SHMT1: variants seen among roughly 807,000 people sequenced by gnomAD.
SHMT1 encodes the protein serine hydroxymethyltransferase 1, also known as serine hydroxymethyltransferase, cytosolic.
A neutral mutation model predicts 49.0 loss-of-function variants in SHMT1; 45 were observed. The ratio of observed to expected loss-of-function variants is 0.92; its 90% CI spans 0.72 to 1.18. SHMT1 has a LOEUF of 1.18. Among genes scored for constraint, SHMT1 ranks in the 50% most tolerant of loss-of-function variants. SHMT1 has a pLI of 0.00. For missense variants in SHMT1, 541 were observed against 612.4 expected (o/e 0.88, Z 1.23); for synonymous variants, 232 against 246.6 (o/e 0.94, Z 0.55).
intron 5 of SHMT1, chr17:18,341,407 G>A (rs1984493542): frequency 6.3e-6 from 1 of 159,198 alleles, no homozygotes; most frequent in Non-Finnish European, 1.4e-5. Context: ...TTGGGAGGCT[G>A]AGACGGGCAG....
At position 18,340,599 on chromosome 17, in the gene SHMT1, G is replaced by T; in HGVS notation, c.601+133C>A. 1.3e-6 allele frequency: 1 copy of T among 786,728 alleles called. No homozygotes were observed. 48.7% of individuals were successfully genotyped at this position (786,728 alleles called of 1,614,324 possible). A position where few individuals can be genotyped will look rare whatever the true frequency, so the allele number is the denominator to read the frequency against. ...ATCCTGAAAGAAACTAATATATGTA[G>T]ACCCCAGAAACTCAGTTATCCAGGG... is the stretch of plus-strand genomic sequence containing the variant. On this transcript the variant is annotated intron_variant, in intron 6 of 11. Coordinates refer to ENST00000316694, the MANE Select transcript of SHMT1 (RefSeq NM_004169.5). The surrounding 1 kb of genome is among the most constrained non-coding windows in gnomAD (Gnocchi z 4.5).
chr17:18,336,110 C>G lies in SHMT1; in HGVS notation c.815-435G>C, dbSNP rs181559633. On this transcript the variant is annotated intron_variant, in intron 7 of 11. Coordinates refer to ENST00000316694, the MANE Select transcript of SHMT1 (RefSeq NM_004169.5). ...TGGCCAACATGGTGAAACCCCGTCT[C>G]TACTAAAAATACAAAAATTAGCCGG... Among the ~76,000 whole-genome samples, 346 of 152,074 alleles carry G rather than the reference C, an allele frequency of 2.3e-3. 1 individual carries two copies. Among genetic ancestry groups the G allele is most frequent in the Non-Finnish European group, 3.5e-3 (241 of 67,972 alleles).
At chr17:18,359,243 G>GAA (rs112738219) in intron 1 of SHMT1, among the ~76,000 whole-genome samples, 1 of 131,598 alleles carries the variant, frequency 7.6e-6, no homozygotes. Context: ...GTCTCCAGGG[G>GAA]AAAAAAAAAA....
Position 18,340,405 on chromosome 17 carries a change from G to C in SHMT1, c.602-150C>G. ...CAAAAATGGAGAATGCCCTCAAAAA[G>C]CACCTCTGTGCTAAAGGCAACCACT... On this transcript the variant is annotated intron_variant, in intron 6 of 11. Coordinates refer to ENST00000316694, the MANE Select transcript of SHMT1 (RefSeq NM_004169.5). The surrounding 1 kb of genome is among the most constrained non-coding windows in gnomAD (Gnocchi z 4.5). 1.2e-6 allele frequency: 1 copy of C among 844,220 alleles called. No homozygotes were observed. The highest frequency in any genetic ancestry group is 2.0e-5 in the Admixed American group (1 of 49,690). 52.3% of individuals were successfully genotyped at this position (844,220 alleles called of 1,614,324 possible).
intron 7 of SHMT1, among the ~76,000 whole-genome samples, chr17:18,337,748 T>A (rs1983973443): frequency 6.6e-6 from 1 of 152,214 alleles, no homozygotes; most frequent in Non-Finnish European, 1.5e-5. Context: ...GTTTTCGTAT[T>A]TTTTTGGTGG....
intron 1 of SHMT1, among the ~76,000 whole-genome samples, chr17:18,356,855 A>C (rs142127633): frequency 7.9e-5 from 12 of 151,834 alleles, no homozygotes; most frequent in African/African-American, 2.9e-4. Flanking sequence ...AGGGAGCCCA[A>C]CTCCGCCTCC....
chr17:18,358,247 T>G (rs1466394833), intron 1 of SHMT1, among the ~76,000 whole-genome samples: 1 of 150,824 alleles, frequency 6.6e-6, no homozygotes, highest in African/African-American at 2.4e-5. Context: ...ATCCCAGTAC[T>G]TTGGGAGGCC....
chr17:18,328,522 G>C lies in SHMT1; in HGVS notation c.*228C>G, dbSNP rs1982803489. The C allele has an allele frequency of 5.3e-6, 3 of 570,600 alleles. No individual in the cohort carries two copies. The Admixed American group carries it at 9.2e-5, about 17-fold the overall frequency. The allele number at this position is 570,600 out of a possible 1,614,324, so 35.3% of individuals were successfully genotyped here. A position where few individuals can be genotyped will look rare whatever the true frequency, so the allele number is the denominator to read the frequency against. On this transcript the variant is annotated 3_prime_UTR_variant, in exon 12 of 12. Transcript: ENST00000316694. ...ATTATGTCCAGCTGTGAGAAAGCCA[G>C]GTTCAAATTTAAATCCTTTAATAAC...
chr17:18,353,516 G>A, intron 3 of SHMT1, 156 bp downstream of exon 3: 1 of 822,992 alleles, frequency 1.2e-6, no homozygotes, highest in Non-Finnish European at 2.1e-6. Flanking sequence ...CACATGCTGG[G>A]AATAAAAGAG....
chr17:18,328,702 G>A lies in SHMT1; in HGVS notation c.*48C>T, dbSNP rs1293924278. On this transcript the variant is annotated 3_prime_UTR_variant, in exon 12 of 12. Transcript: ENST00000316694. ...TCTCTCAGGTGGGGGTCCTCCGGCA[G>A]GCAGCTTCCTCTGTGGCGCCAGGTG... is the stretch of plus-strand genomic sequence containing the variant. The A allele has an allele frequency of 6.5e-7, 1 of 1,546,502 alleles. No homozygotes were observed. The highest frequency in any genetic ancestry group is 8.7e-7 in the Non-Finnish European group (1 of 1,146,202).
At chr17:18,352,921 A>G (rs941117950) in intron 3 of SHMT1, among the ~76,000 whole-genome samples, 4 of 152,124 alleles carry the variant, frequency 2.6e-5, no homozygotes. Flanking sequence ...AGAGAGAGAA[A>G]TAAAGAAAAC....
chr17:18,362,762 AC>A (rs985540634), intron 1 of SHMT1, among the ~76,000 whole-genome samples: 2 of 152,220 alleles, frequency 1.3e-5, no homozygotes, highest in Admixed American at 6.5e-5. Context: ...AAGCCAAGGC[AC>A]CGGGCCAAGA....
At chr17:18,334,764 G>T (rs1361201279) in intron 8 of SHMT1, among the ~76,000 whole-genome samples, 1 of 152,202 alleles carries the variant, frequency 6.6e-6, no homozygotes, top group East Asian at 1.9e-4. Flanking sequence ...ACTGGAAAGG[G>T]CGTCCAGAGC....
intron 5 of SHMT1, chr17:18,341,020 G>A (rs1984447712): frequency 1.7e-6 from 1 of 600,262 alleles, no homozygotes; most frequent in Admixed American, 2.6e-5. Flanking sequence ...AGGAGTCCCA[G>A]GGTTGTAGTG....
chr17:18,343,586 C>T (rs191890817), intron 5 of SHMT1, among the ~76,000 whole-genome samples: 5 of 91,764 alleles, frequency 5.4e-5, no homozygotes, highest in African/African-American at 9.1e-5. Context: ...CCAGCCTGGG[C>T]GACAAGAGGG....
chr17:18,351,736 T>C (rs965452309), intron 3 of SHMT1, among the ~76,000 whole-genome samples: 2 of 151,216 alleles, frequency 1.3e-5, no homozygotes, highest in Admixed American at 6.6e-5. Flanking sequence ...ATTGTGCCAC[T>C]GCACTCCAGC....
chr17:18,348,895 C>T (rs1985388073), intron 3 of SHMT1, among the ~76,000 whole-genome samples: 2 of 151,096 alleles, frequency 1.3e-5, no homozygotes, highest in Admixed American at 1.3e-4. Flanking sequence ...GGAAGATTCA[C>T]TTTGGCCCAG....
At chr17:18,329,686 C>T (rs1465193307) in intron 10 of SHMT1, among the ~76,000 whole-genome samples, 1 of 152,120 alleles carries the variant, frequency 6.6e-6, no homozygotes, top group East Asian at 1.9e-4. Context: ...TTGTTAACAA[C>T]CCACAGAGAA....
rs751007304 is a variant in SHMT1 at position 18,328,843 on chromosome 17, T to C, written c.1359A>G (p.Ala453=). Residue 453 remains alanine (A), a synonymous_variant, in exon 12 of 12, where the codon GCA becomes GCG. Transcript: ENST00000316694. Reference sequence around the variant, plus strand: ...GCACGGCCGCCTGGTACTTATCCCCTGCCAGTCTCTCCTTGAACTCTTTCA... The same window carrying C: ...GCACGGCCGCCTGGTACTTATCCCCCGCCAGTCTCTCCTTGAACTCTTTCA... ...ATLKEFKERL[A]GDKYQAAVQA... The C allele has an allele frequency of 6.2e-7, 1 of 1,613,766 alleles. No individual in the cohort carries two copies. The highest frequency in any genetic ancestry group is 1.7e-5 in the Admixed American group (1 of 60,014).
Sources: allele counts gnomAD v4.1 joint callset (sites outside exome capture counted in the v4.1 genomes callset), GRCh38; gene constraint gnomAD v4.1.1; non-coding constraint Gnocchi (gnomAD v3.1); transcripts MANE v1.5; gene names NCBI Gene and HGNC (gene_info 2026-07-23, HGNC 2026-07-21).